GFRA2: variants seen among roughly 807,000 people sequenced by gnomAD.
GFRA2 encodes the protein GDNF family receptor alpha 2, also known as GDNF family receptor alpha-2.
A neutral mutation model predicts 48.3 loss-of-function variants in GFRA2; 17 were observed. That is an observed-to-expected ratio of 0.35 (90% CI 0.24 to 0.53). The LOEUF (loss-of-function observed/expected upper bound fraction) is 0.53, where lower values mean the gene tolerates loss of function less well. Among genes scored for constraint, GFRA2 ranks in the 20% least tolerant of loss-of-function variants. The pLI, the probability that GFRA2 is intolerant of heterozygous loss-of-function variation, is 0.93. For missense variants in GFRA2, 660 were observed against 637.3 expected (o/e 1.04, Z -0.38); for synonymous variants, 305 against 257.2 (o/e 1.19, Z -1.78).
intron 3 of GFRA2, among the ~76,000 whole-genome samples, chr8:21,772,511 A>G (rs984102200): frequency 3.4e-4 from 52 of 151,806 alleles, no homozygotes; most frequent in African/African-American, 1.2e-3. Flanking sequence ...GGGCCTCCCT[A>G]CTCAACTATG....
At chr8:21,783,905 T>C (rs2117077248) in intron 1 of GFRA2, among the ~76,000 whole-genome samples, 1 of 152,144 alleles carries the variant, frequency 6.6e-6, no homozygotes, top group East Asian at 1.9e-4. Context: ...GCCTTGTTTT[T>C]TTCTCTCTCA....
intron 3 of GFRA2, among the ~76,000 whole-genome samples, chr8:21,754,392 G>A (rs1022223397): frequency 4.6e-5 from 7 of 152,066 alleles, no homozygotes; most frequent in African/African-American, 1.7e-4. Flanking sequence ...AGGCAACAGT[G>A]ATCAACACAG....
chr8:21,694,526 G>C lies in GFRA2; in HGVS notation c.1219-9C>G. 2 of 1,608,792 alleles carry C rather than the reference G, an allele frequency of 1.2e-6. No individual in the cohort carries two copies. Among genetic ancestry groups the C allele is most frequent in the Non-Finnish European group, 1.7e-6 (2 of 1,177,926 alleles). The stretch of plus-strand genomic sequence containing the variant: ...GCCTTCAGCCCCTGCTCCTGCGAGA[G>C]AGAAGGTGCCAGTCAGGACGAGTCA... On this transcript the variant is annotated splice_polypyrimidine_tract_variant and intron_variant, in intron 7 of 8. Transcript: ENST00000524240.
chr8:21,723,293 T>C (rs142378324), intron 4 of GFRA2, among the ~76,000 whole-genome samples: 1 of 152,186 alleles, frequency 6.6e-6, no homozygotes, highest in African/African-American at 2.4e-5. Context: ...AGGTTCTTCA[T>C]GTCTTCTACT....
chr8:21,730,999 G>A (rs897292107), intron 4 of GFRA2, among the ~76,000 whole-genome samples: 1 of 152,068 alleles, frequency 6.6e-6, no homozygotes, highest in Non-Finnish European at 1.5e-5. Context: ...TCTGGCCCCG[G>A]GCTCCTTCCC....
intron 1 of GFRA2, among the ~76,000 whole-genome samples, chr8:21,786,861 T>A (rs1250988599): frequency 6.6e-6 from 1 of 152,008 alleles, no homozygotes; most frequent in African/African-American, 2.4e-5. Flanking sequence ...CCTTCCCAGA[T>A]CCCCTACTGC....
chr8:21,806,141 T>C (rs1404395452), intron 1 of GFRA2, among the ~76,000 whole-genome samples: 1 of 152,210 alleles, frequency 6.6e-6, no homozygotes, highest in Admixed American at 6.5e-5. Context: ...TTTGCTTTCT[T>C]TTCTTTTCAT....
At chr8:21,694,426 A>G in intron 8 of GFRA2, 38 bp downstream of exon 8, 1 of 1,594,274 alleles carries the variant, frequency 6.3e-7, no homozygotes, top group Non-Finnish European at 8.6e-7. Flanking sequence ...CCACCGGCCC[A>G]GCCTTCTGCA....
chr8:21,705,185 C>T, intron 5 of GFRA2, 60 bp from the exon 6 acceptor site: 1 of 1,540,332 alleles, frequency 6.5e-7, no homozygotes, highest in Non-Finnish European at 8.8e-7. Flanking sequence ...CCCCTTGGGC[C>T]CACAGACCAA....
In GFRA2 at chr8:21,778,780, G is replaced by A. The variant is rs374232197; in HGVS notation, c.356-3725C>T. Among the ~76,000 whole-genome samples the A allele has an allele frequency of 3.3e-5, 5 of 152,202 alleles. No homozygotes were observed. The East Asian group carries it at 5.8e-4, about 18-fold the overall frequency. On this transcript the variant is annotated intron_variant, in intron 2 of 8. Coordinates refer to ENST00000524240, the MANE Select transcript of GFRA2 (RefSeq NM_001495.5). ...CACGTGCCTGTAGTCCTAGCTTCTC[G>A]GGAGGCTGAGGCAGAAGGGTCACTT...
intron 4 of GFRA2, among the ~76,000 whole-genome samples, chr8:21,735,065 G>T (rs1374015040): frequency 6.6e-6 from 1 of 152,170 alleles, no homozygotes; most frequent in African/African-American, 2.4e-5. Context: ...ACTGATTGAT[G>T]TCTCATGTCT....
intron 2 of GFRA2, among the ~76,000 whole-genome samples, chr8:21,798,193 G>A (rs1311609786): frequency 6.6e-6 from 1 of 152,122 alleles, no homozygotes; most frequent in Non-Finnish European, 1.5e-5. Context: ...CCTGACTCCT[G>A]GGAGAACATC....
intron 4 of GFRA2, among the ~76,000 whole-genome samples, chr8:21,735,318 T>C (rs1205069767): frequency 1.3e-5 from 2 of 152,164 alleles, no homozygotes; most frequent in African/African-American, 4.8e-5. Context: ...TGCCTTTCTA[T>C]ATAGCATACA....
At chr8:21,773,592 T>C (rs1806545068) in intron 3 of GFRA2, among the ~76,000 whole-genome samples, 1 of 152,280 alleles carries the variant, frequency 6.6e-6, no homozygotes, top group Non-Finnish European at 1.5e-5. Context: ...CAATGGTTTA[T>C]GGTCCTCCAA....
At chr8:21,782,135 T>C (rs1807022804) in intron 2 of GFRA2, among the ~76,000 whole-genome samples, 1 of 152,098 alleles carries the variant, frequency 6.6e-6, no homozygotes, top group Admixed American at 6.5e-5. Context: ...GGCTGGTTTC[T>C]CAGCCTGCAC....
chr8:21,736,881 TAAGAG>T (rs1804490130), intron 4 of GFRA2, among the ~76,000 whole-genome samples: 1 of 111,874 alleles, frequency 8.9e-6, no homozygotes, highest in Non-Finnish European at 1.7e-5. Context: ...GGAGAAAAAA[TAAGAG>T]AAAAGAAGGA....
intron 4 of GFRA2, among the ~76,000 whole-genome samples, chr8:21,747,651 C>T (rs573965870): frequency 1.3e-5 from 2 of 151,850 alleles, no homozygotes; most frequent in Non-Finnish European, 1.5e-5. Flanking sequence ...CATCTCTCTG[C>T]GGTCCCTGGC....
At chr8:21,743,001 C>T (rs1459469520) in intron 4 of GFRA2, among the ~76,000 whole-genome samples, 1 of 152,204 alleles carries the variant, frequency 6.6e-6, no homozygotes, top group Non-Finnish European at 1.5e-5. Flanking sequence ...TGATTTGGAG[C>T]TTCTCTCTGT....
chr8:21,782,691 C>G lies in GFRA2; in HGVS notation c.249G>C (p.Glu83Asp). 6.3e-7 allele frequency: 1 copy of G among 1,592,162 alleles called. No individual in the cohort carries two copies. The highest frequency in any genetic ancestry group is 2.3e-5 in the East Asian group (1 of 43,524). ...LANKECQAAL[E>D]VLQESPLYDC... ...CGTACAGCGGGCTCTCCTGCAAGAC[C>G]TCCAAGGCCGCCTGGCACTCCTTGT... The change falls in exon 2 of 9, where the codon GAG (glutamate) becomes GAC (aspartate). Residue 83 changes from glutamate to aspartate, a missense_variant. By Grantham distance (45) the Glu-to-Asp change is conservative. Coordinates refer to ENST00000524240, the MANE Select transcript of GFRA2 (RefSeq NM_001495.5).
Sources: gnomAD v4.1 joint callset for allele counts (sites outside exome capture counted in the v4.1 genomes callset) on GRCh38, gnomAD v4.1.1 for gene constraint, MANE v1.5 for transcripts, NCBI Gene and HGNC (gene_info 2026-07-23, HGNC 2026-07-21) for gene names.